SDK1: variants seen among roughly 807,000 people sequenced by gnomAD.
The protein encoded by SDK1 is sidekick cell adhesion molecule 1, also known as protein sidekick-1.
In SDK1, 157 loss-of-function variants were observed where a neutral mutation model predicts 245.5. That is an observed-to-expected ratio of 0.64 (90% confidence interval 0.56 to 0.73). The LOEUF (loss-of-function observed/expected upper bound fraction) is 0.73, where lower values mean the gene tolerates loss of function less well. Among genes scored for constraint, SDK1 ranks in the 30% least tolerant of loss-of-function variants. The pLI is 0.00. For synonymous variants in SDK1, 1,647 were observed against 1,278.5 expected (o/e 1.29, Z -6.15); for missense variants, 3,583 against 3,002.3 (o/e 1.19, Z -4.52).
intron 1 of SDK1, among the ~76,000 whole-genome samples, chr7:3,345,794 T>A (rs1169846561): frequency 6.6e-6 from 1 of 152,158 alleles, no homozygotes; most frequent in East Asian, 1.9e-4. Flanking sequence ...AAATTTGAGA[T>A]TTTTCATATT....
At chr7:3,632,053 C>G (rs1029000808) in intron 2 of SDK1, among the ~76,000 whole-genome samples, 1 of 152,028 alleles carries the variant, frequency 6.6e-6, no homozygotes, top group Non-Finnish European at 1.5e-5. Context: ...TCATAGAGAA[C>G]CTGGCATTAT....
At chr7:3,655,434 A>C (rs1195861912) in intron 4 of SDK1, among the ~76,000 whole-genome samples, 1 of 130,082 alleles carries the variant, frequency 7.7e-6, no homozygotes, top group Non-Finnish European at 1.6e-5. Context: ...ACTGTCTAAA[A>C]ACAAAACAAA....
chr7:3,439,292 G>C (rs762600938), intron 1 of SDK1, among the ~76,000 whole-genome samples: 2 of 152,148 alleles, frequency 1.3e-5, no homozygotes, highest in African/African-American at 2.4e-5. Context: ...TCTAAAACGT[G>C]TGTCGCTTTC....
intron 1 of SDK1, among the ~76,000 whole-genome samples, chr7:3,453,411 G>C (rs1016978256): frequency 2.0e-5 from 3 of 152,178 alleles, no homozygotes; most frequent in African/African-American, 7.2e-5. Flanking sequence ...TGGACAAAGG[G>C]TCTTCGCAGA....
chr7:3,482,603 G>T (rs995525713), intron 1 of SDK1, among the ~76,000 whole-genome samples: 1 of 152,122 alleles, frequency 6.6e-6, no homozygotes, highest in African/African-American at 2.4e-5. Flanking sequence ...ACCACCAGAG[G>T]GCCTCCCACA....
chr7:4,161,696 C>G (rs902484216), intron 31 of SDK1, 90 bp from the exon 32 acceptor site: 38 of 1,031,148 alleles, frequency 3.7e-5, no homozygotes, highest in Non-Finnish European at 5.5e-5. Context: ...GGCTCACCAG[C>G]CTCCCCATAC....
At chr7:4,060,963 G>A (rs1276597294) in intron 19 of SDK1, among the ~76,000 whole-genome samples, 1 of 152,034 alleles carries the variant, frequency 6.6e-6, no homozygotes, top group East Asian at 1.9e-4. Flanking sequence ...GATATGTGGT[G>A]TTATTTCAGA....
At chr7:3,493,283 C>T (rs1446742319) in intron 1 of SDK1, among the ~76,000 whole-genome samples, 1 of 152,160 alleles carries the variant, frequency 6.6e-6, no homozygotes, top group African/African-American at 2.4e-5. Flanking sequence ...TCTGTCTGTC[C>T]ATCCATCTCC....
intron 28 of SDK1, among the ~76,000 whole-genome samples, chr7:4,145,214 G>A (rs551597195): frequency 1.3e-5 from 2 of 152,202 alleles, no homozygotes; most frequent in South Asian, 2.1e-4. Context: ...GTCCCTGGAG[G>A]GAGCTGGGGG....
At chr7:4,246,403 A>C (rs1206439373) in intron 44 of SDK1, among the ~76,000 whole-genome samples, 1 of 152,100 alleles carries the variant, frequency 6.6e-6, no homozygotes, top group East Asian at 1.9e-4. Context: ...CCTGCCTCGG[A>C]GGCCCATTCT....
rs1411452016 is a variant in SDK1, at chr7:4,049,328, C to T, written c.2603-20C>T. The stretch of plus-strand genomic sequence containing the variant: ...CTCCTGCCATTTGTTCTGCTGTCAT[C>T]AATGACTGCCCTGCCACAGTGCCCA... On this transcript the variant is annotated intron_variant, in intron 17 of 44. Coordinates refer to ENST00000404826, the MANE Select transcript of SDK1 (RefSeq NM_152744.4). The T allele has an allele frequency of 1.3e-5, 21 of 1,596,846 alleles. No individual in the cohort carries two copies. Among genetic ancestry groups the T allele is most frequent in the East Asian group, 6.7e-5 (3 of 44,808 alleles).
intron 5 of SDK1, among the ~76,000 whole-genome samples, chr7:3,899,069 G>A (rs1441692219): frequency 2.6e-5 from 4 of 152,096 alleles, no homozygotes; most frequent in African/African-American, 9.7e-5. Context: ...TTTAAGTCAT[G>A]AGAAATTTAC....
At chr7:3,957,159 T>G (rs1489101790) in intron 7 of SDK1, among the ~76,000 whole-genome samples, 1 of 152,048 alleles carries the variant, frequency 6.6e-6, no homozygotes, top group Non-Finnish European at 1.5e-5. Context: ...GGATTAGTGG[T>G]TGTGAGGGGT....
chr7:4,090,064 G>A (rs1781687689), intron 22 of SDK1, among the ~76,000 whole-genome samples: 1 of 152,178 alleles, frequency 6.6e-6, no homozygotes, highest in Admixed American at 6.5e-5. Flanking sequence ...CAGAATGTGG[G>A]GGAAGTGATG....
In SDK1 at chr7:3,969,241, C is replaced by T; in HGVS notation, c.1547-16C>T. 4 of 1,574,178 alleles carry T rather than the reference C, an allele frequency of 2.5e-6. No homozygotes were observed. Among genetic ancestry groups the T allele is most frequent in the Non-Finnish European group, 3.5e-6 (4 of 1,158,338 alleles). ...GTTACGACTGTAACATGCCTCTTTT[C>T]TCCACTGTTCTTTAGAAAACCACAT... On this transcript the variant is annotated splice_polypyrimidine_tract_variant and intron_variant, in intron 10 of 44. Transcript: ENST00000404826.
chr7:3,939,161 C>A (rs773328605), intron 5 of SDK1, among the ~76,000 whole-genome samples: 76 of 152,340 alleles, frequency 5.0e-4, no homozygotes, highest in Non-Finnish European at 8.1e-4. Flanking sequence ...GAATACCTGT[C>A]TCCAGGGAAT....
intron 1 of SDK1, among the ~76,000 whole-genome samples, chr7:3,434,952 T>C (rs1229482854): frequency 6.6e-6 from 1 of 152,146 alleles, no homozygotes; most frequent in Non-Finnish European, 1.5e-5. Context: ...AGAGGAAAGA[T>C]GATGAAGTAA....
rs1788423928 is a variant in SDK1, at chr7:4,265,677, T to C, written c.*293T>C. The C allele has an allele frequency of 5.9e-6, 7 of 1,188,094 alleles. No homozygotes were observed. The highest frequency in any genetic ancestry group is 7.3e-6 in the Non-Finnish European group (7 of 963,070). 73.6% of individuals were successfully genotyped at this position (1,188,094 alleles called of 1,614,324 possible). A position where few individuals can be genotyped will look rare whatever the true frequency, so the allele number is the denominator to read the frequency against. On this transcript the variant is annotated 3_prime_UTR_variant, in exon 45 of 45. Coordinates refer to ENST00000404826, the MANE Select transcript of SDK1 (RefSeq NM_152744.4). ...GGCACCTCCGGGGCCTGGGAGGACC[T>C]CAGACCTCCCCAGCCCTGGGTTTCT...
At chr7:3,444,826 A>AT (rs1197483339) in intron 1 of SDK1, among the ~76,000 whole-genome samples, 1 of 152,214 alleles carries the variant, frequency 6.6e-6, no homozygotes, top group Admixed American at 6.5e-5. Flanking sequence ...TGCAAATGTG[A>AT]TCCCCTTTAG....
Sources: gnomAD v4.1 joint callset for allele counts (sites outside exome capture counted in the v4.1 genomes callset) on GRCh38, gnomAD v4.1.1 for gene constraint, MANE v1.5 for transcripts, NCBI Gene and HGNC (gene_info 2026-07-23, HGNC 2026-07-21) for gene names.